Variants in ANKRD30BL observed in about 807,000 individuals in gnomAD.
The protein encoded by ANKRD30BL is ankyrin repeat domain 30B like.
In ANKRD30BL, 20 loss-of-function variants were observed where a neutral mutation model predicts 18.4. The ratio of observed to expected loss-of-function variants is 1.09; its 90% CI spans 0.77 to 1.58. The LOEUF is 1.58. Ranked by LOEUF, ANKRD30BL falls within the 40% of genes most tolerant of loss-of-function variation. The probability of loss-of-function intolerance (pLI) is 0.00; values close to 1 mark genes in which losing one functional copy is unlikely to be tolerated. For missense variants in ANKRD30BL, 224 were observed against 268.6 expected, an observed-to-expected ratio of 0.83 and a Z score of 1.16; for synonymous variants, 72 against 100.9, an observed-to-expected ratio of 0.71 and a Z score of 1.72.
At position 132,199,667 on chromosome 2, in the gene ANKRD30BL, C is replaced by A. The variant is rs10183874; in HGVS notation, n.442-42521G>T. 1.6e-3 allele frequency among the ~76,000 whole-genome samples: 242 copies of A among 151,930 alleles called. 1 individual carries two copies. Among genetic ancestry groups the A allele is most frequent in the African/African-American group, 5.5e-3 (227 of 41,434 alleles). On this transcript the variant is annotated intron_variant and non_coding_transcript_variant, in intron 1 of 4. Coordinates refer to the ANKRD30BL transcript ENST00000470729. ...GATTACAGGCATCCACCACCACAGA[C>A]GGTTAATTTTTTCTTTATATACTTT...
At chr2:132,250,464 A>G (rs569907960) in intron 1 of ANKRD30BL, among the ~76,000 whole-genome samples, 1 of 152,238 alleles carries the variant, frequency 6.6e-6, no homozygotes, top group African/African-American at 2.4e-5. Flanking sequence ...CTTGTGGTGC[A>G]GCACACATGT....
intron 1 of ANKRD30BL, among the ~76,000 whole-genome samples, chr2:132,200,499 A>G (rs1323247595): frequency 6.6e-6 from 1 of 152,136 alleles, no homozygotes; most frequent in Non-Finnish European, 1.5e-5. Context: ...ATACACCAAC[A>G]ACAAACAAAC....
chr2:132,255,135 G>A (rs552537725), intron 1 of ANKRD30BL, among the ~76,000 whole-genome samples: 4 of 152,304 alleles, frequency 2.6e-5, no homozygotes, highest in East Asian at 3.9e-4. Flanking sequence ...GTTTATGGTC[G>A]GAATTACAAC....
At chr2:132,176,559 C>T (rs574286644) in intron 1 of ANKRD30BL, among the ~76,000 whole-genome samples, 6 of 151,824 alleles carry the variant, frequency 4.0e-5, no homozygotes, top group South Asian at 4.2e-4. Flanking sequence ...TGCAGTGAGC[C>T]GAGGTTGTGC....
At chr2:132,222,887 C>T (rs979881752) in intron 1 of ANKRD30BL, among the ~76,000 whole-genome samples, 6 of 139,854 alleles carry the variant, frequency 4.3e-5, no homozygotes, top group South Asian at 2.4e-4. Flanking sequence ...TTGTAGAATC[C>T]GTAAGTGAAC....
chr2:132,216,738 A>T (rs1461205971), intron 1 of ANKRD30BL, among the ~76,000 whole-genome samples: 4 of 151,956 alleles, frequency 2.6e-5, no homozygotes, highest in Non-Finnish European at 5.9e-5. Context: ...CCTTCATTGG[A>T]ATCGGGTACA....
chr2:132,238,071 G>T (rs909871481), intron 1 of ANKRD30BL, among the ~76,000 whole-genome samples: 3 of 151,840 alleles, frequency 2.0e-5, no homozygotes, highest in Non-Finnish European at 4.4e-5. Flanking sequence ...CACTTTTTTT[G>T]TAGAATCTGC....
rs747798681 is a variant in ANKRD30BL, at chr2:132,154,738, T to A, written c.538A>T (p.Arg180Trp). The stretch of plus-strand genomic sequence containing the variant: ...TCCACAATTTCCTCACTTCTTTTCC[T>A]TATGGCCAGTAAAAGTGGTGTGTGG... ...AGHTPLLLAI[R>W]KRSEEIVEFL... is the part of the protein sequence containing the mutation. Residue 180 changes from arginine to tryptophan, a missense_variant, in exon 4 of 6, where the codon AGG (arginine) becomes TGG (tryptophan). This residue lies in a region of ANKRD30BL where 63 missense variants were observed against 62.3 expected (regional missense o/e 1.01). Transcript: ENST00000409867. 1.4e-5 allele frequency: 10 copies of A among 726,982 alleles called. No homozygotes were observed. The highest frequency in any genetic ancestry group is 2.3e-5 in the Non-Finnish European group (9 of 390,018). The allele number at this position is 726,982 out of a possible 1,614,324, so 45.0% of individuals were successfully genotyped here.
chr2:132,252,162 G>A lies in ANKRD30BL; in HGVS notation n.441+5367C>T, dbSNP rs1015889633. Among the ~76,000 whole-genome samples the A allele has an allele frequency of 2.0e-5, 3 of 152,202 alleles. No individual in the cohort carries two copies. The East Asian group carries it at 5.8e-4, about 29-fold the overall frequency. On this transcript the variant is annotated intron_variant and non_coding_transcript_variant, in intron 1 of 4. Coordinates refer to the ANKRD30BL transcript ENST00000470729. Reference sequence around the variant, plus strand: ...TTTTGTGTAACTCGGGTAATGAAATGTGAAACTAAGTGATTGCCTACCAGT... The same window carrying A: ...TTTTGTGTAACTCGGGTAATGAAATATGAAACTAAGTGATTGCCTACCAGT...
intron 1 of ANKRD30BL, among the ~76,000 whole-genome samples, chr2:132,212,414 A>G (rs933199948): frequency 2.0e-5 from 3 of 151,956 alleles, no homozygotes; most frequent in Non-Finnish European, 4.4e-5. Flanking sequence ...CTTTTTGTAG[A>G]ATCTCCAAGT....
chr2:132,256,404 C>T (rs542620418), intron 1 of ANKRD30BL, among the ~76,000 whole-genome samples: 6 of 152,268 alleles, frequency 3.9e-5, no homozygotes, highest in Admixed American at 2.0e-4. Flanking sequence ...CCCTTCGTGC[C>T]CATGTGCGAG....
At chr2:132,205,604 A>C (rs1040096643) in intron 1 of ANKRD30BL, among the ~76,000 whole-genome samples, 10 of 151,332 alleles carry the variant, frequency 6.6e-5, no homozygotes, top group Admixed American at 2.0e-4. Flanking sequence ...TTCGTCTCAA[A>C]AAAAAAAAAG....
chr2:132,188,312 C>T (rs542504808), intron 1 of ANKRD30BL, among the ~76,000 whole-genome samples: 5 of 152,102 alleles, frequency 3.3e-5, no homozygotes, highest in African/African-American at 1.2e-4. Flanking sequence ...CAATAATTTT[C>T]GAATCTCAAA....
intron 1 of ANKRD30BL, among the ~76,000 whole-genome samples, chr2:132,201,017 C>G (rs1026985451): frequency 3.3e-5 from 5 of 152,208 alleles, no homozygotes; most frequent in Middle Eastern, 6.8e-3. Flanking sequence ...TGATCTTTGA[C>G]AAACCTGAGA....
intron 1 of ANKRD30BL, among the ~76,000 whole-genome samples, chr2:132,249,580 G>C (rs1680595715): frequency 6.6e-6 from 1 of 151,760 alleles, no homozygotes; most frequent in African/African-American, 2.4e-5. Context: ...AACTCTGTGA[G>C]ATGAATGTAC....
chr2:132,215,081 G>C (rs563250183), intron 1 of ANKRD30BL, among the ~76,000 whole-genome samples: 1 of 151,954 alleles, frequency 6.6e-6, no homozygotes, highest in African/African-American at 2.4e-5. Context: ...ACAGAGAGTT[G>C]AACCTTTGTT....
rs1365955005 is a variant in ANKRD30BL, at chr2:132,211,021, A to G, written n.441+46508T>C. On this transcript the variant is annotated intron_variant and non_coding_transcript_variant, in intron 1 of 4. Coordinates refer to the ANKRD30BL transcript ENST00000470729. Reference sequence around the variant, plus strand: ...GAATCTGCAAGTGGATATTTTTAACACTTGACAGCCTATGGTGGAAAAGGA... The same window carrying G: ...GAATCTGCAAGTGGATATTTTTAACGCTTGACAGCCTATGGTGGAAAAGGA... Among the ~76,000 whole-genome samples, 301 of 87,814 alleles carry G rather than the reference A, an allele frequency of 3.4e-3. 1 individual carries two copies. The highest frequency in any genetic ancestry group is 0.012 in the African/African-American group (291 of 24,710). The allele number at this position is 87,814 out of a possible 152,430, so 57.6% of individuals were successfully genotyped here.
intron 1 of ANKRD30BL, among the ~76,000 whole-genome samples, chr2:132,182,279 C>T (rs1410493885): frequency 6.6e-6 from 1 of 151,752 alleles, no homozygotes; most frequent in East Asian, 1.9e-4. Flanking sequence ...TCAGGAGATC[C>T]ATACCATCCT....
chr2:132,201,622 C>A (rs1679100122), intron 1 of ANKRD30BL, among the ~76,000 whole-genome samples: 1 of 152,120 alleles, frequency 6.6e-6, no homozygotes, highest in Admixed American at 6.6e-5. Context: ...GAATGGCAAT[C>A]ATTAAAAAGT....
Sources: allele counts gnomAD v4.1 joint callset (sites outside exome capture counted in the v4.1 genomes callset), GRCh38; gene constraint gnomAD v4.1.1; regional missense constraint gnomAD v4.1.1; transcripts MANE v1.5; gene names NCBI Gene and HGNC (gene_info 2026-07-23, HGNC 2026-07-21).